Variants in COL4A6 observed in about 807,000 individuals in gnomAD.
The protein encoded by COL4A6 is collagen alpha-6(IV) chain.
A neutral mutation model predicts 126.7 loss-of-function variants in COL4A6; 59 were observed. The ratio of observed to expected loss-of-function variants is 0.47; its 90% CI spans 0.38 to 0.58. The LOEUF (loss-of-function observed/expected upper bound fraction) is 0.58, where lower values mean the gene tolerates loss of function less well. Among genes scored for constraint, COL4A6 ranks in the 20% least tolerant of loss-of-function variants. The pLI, the probability that COL4A6 is intolerant of heterozygous loss-of-function variation, is 0.00. For missense variants in COL4A6, 1,285 were observed against 1,337.3 expected (o/e 0.96, Z 0.61); for synonymous variants, 547 against 496.6 (o/e 1.10, Z -1.35).
intron 11 of COL4A6, among the ~76,000 whole-genome samples, chrX:108,204,868 C>T (rs955182473): frequency 2.7e-5 from 3 of 110,621 alleles, no homozygotes; most frequent in African/African-American, 9.9e-5. Context: ...GTGGGAATGG[C>T]AAGTTCTCAG....
At chrX:108,403,002 C>T (rs951511071) in intron 2 of COL4A6, among the ~76,000 whole-genome samples, 5 of 111,369 alleles carry the variant, frequency 4.5e-5, no homozygotes, top group Non-Finnish European at 9.5e-5. Context: ...AATTTTTTAT[C>T]TGCTTGAAGT....
intron 2 of COL4A6, among the ~76,000 whole-genome samples, chrX:108,351,052 T>C (rs1362625466): frequency 9.0e-6 from 1 of 111,509 alleles, no homozygotes; most frequent in African/African-American, 3.3e-5. Flanking sequence ...CTCCCCACAA[T>C]GAATTCCGCT....
chrX:108,191,482 T>C lies in COL4A6; in HGVS notation c.1232A>G (p.Gln411Arg), dbSNP rs199498935. Residue 411 changes from glutamine (Q) to arginine (R), a missense_variant, in exon 19 of 45, where the codon CAA becomes CGA. Physicochemically the swap from Gln to Arg is conservative, Grantham distance 43 (BLOSUM62 1). Transcript: ENST00000334504. The part of the protein sequence containing the change: ...PQGFPGLKGD[Q>R]GNPGRTTIGA... ...AATTGTGGTACGGCCTGGGTTTCCT[T>C]GGTCCCCCTTCAGCCCTGGAAATCC... 9.0e-5 allele frequency: 109 copies of C among 1,209,486 alleles called. No homozygotes were observed. Among genetic ancestry groups the C allele is most frequent in the Non-Finnish European group, 1.1e-4 (102 of 894,973 alleles).
intron 2 of COL4A6, among the ~76,000 whole-genome samples, chrX:108,350,783 G>A (rs1603140343): frequency 9.6e-6 from 1 of 104,559 alleles, no homozygotes; most frequent in South Asian, 4.2e-4. Flanking sequence ...TTTTTTTTTT[G>A]AAAGAGTGGT....
chrX:108,292,947 T>C (rs1450630744), intron 3 of COL4A6, among the ~76,000 whole-genome samples: 1 of 71,025 alleles, frequency 1.4e-5, no homozygotes, highest in Non-Finnish European at 2.4e-5. Flanking sequence ...AGATCCCGTC[T>C]CTTAGGAAAA....
At chrX:108,343,053 T>C (rs1299738973) in intron 2 of COL4A6, among the ~76,000 whole-genome samples, 1 of 104,060 alleles carries the variant, frequency 9.6e-6, no homozygotes, top group East Asian at 3.0e-4. Context: ...TGAAGTTCAG[T>C]TTTTATCAAT....
At chrX:108,245,606 T>C (rs1405319169) in intron 3 of COL4A6, among the ~76,000 whole-genome samples, 1 of 111,732 alleles carries the variant, frequency 8.9e-6, no homozygotes, top group Non-Finnish European at 1.9e-5. Flanking sequence ...CATCTGCACT[T>C]GAGCCACCTC....
chrX:108,164,823 G>A, intron 39 of COL4A6, 54 bp downstream of exon 39: 1 of 1,188,127 alleles, frequency 8.4e-7, no homozygotes, highest in East Asian at 3.0e-5. Flanking sequence ...ACTGCAGGAA[G>A]GAGTCCTGGC....
chrX:108,265,193 T>G (rs1397987584), intron 3 of COL4A6, among the ~76,000 whole-genome samples: 1 of 111,317 alleles, frequency 9.0e-6, no homozygotes, highest in Non-Finnish European at 1.9e-5. Flanking sequence ...ATTAGCCTTC[T>G]TCAAAAGATG....
intron 3 of COL4A6, among the ~76,000 whole-genome samples, chrX:108,250,530 T>C (rs2036825683): frequency 1.8e-5 from 2 of 110,561 alleles, no homozygotes; most frequent in Non-Finnish European, 3.8e-5. Context: ...ACCATTCCTT[T>C]GTGTGCATAG....
intron 2 of COL4A6, among the ~76,000 whole-genome samples, chrX:108,407,301 T>C (rs2041226658): frequency 8.9e-6 from 1 of 112,132 alleles, no homozygotes; most frequent in South Asian, 3.7e-4. Context: ...AACCTGGAAG[T>C]TCCAACTGAG....
At chrX:108,305,463 A>G (rs1443498003) in intron 3 of COL4A6, among the ~76,000 whole-genome samples, 1 of 111,857 alleles carries the variant, frequency 8.9e-6, no homozygotes, top group Non-Finnish European at 1.9e-5. Context: ...TGTGAAGTCC[A>G]TGGGGGAGCC....
intron 2 of COL4A6, among the ~76,000 whole-genome samples, chrX:108,429,191 A>C (rs902389893): frequency 8.9e-6 from 1 of 112,469 alleles, no homozygotes; most frequent in Non-Finnish European, 1.9e-5. Context: ...ATTCTAGAAA[A>C]GGCAAAACTA....
intron 43 of COL4A6, chrX:108,160,025 T>G (rs1295646786): frequency 1.4e-5 from 6 of 419,124 alleles, no homozygotes; most frequent in East Asian, 4.2e-5. Context: ...CTGAGTCTGC[T>G]TTTAAGATTT....
Position 108,226,890 on chromosome X carries a change from C to A in COL4A6, c.145-5516G>T, listed in dbSNP as rs1312816624. On this transcript the variant is annotated intron_variant, in intron 3 of 44. Transcript: ENST00000334504. ...CCATGGTCTTAGTTCAAGTCTTTCT[C>A]ATCTCTCGCCTGGAGTGTTGCCACA... 1.1e-4 allele frequency among the ~76,000 whole-genome samples: 12 copies of A among 111,660 alleles called. No homozygotes were observed. In the Admixed American group the frequency reaches 1.1e-3, roughly 11 times the overall value.
chrX:108,360,950 G>A (rs779819402), intron 2 of COL4A6, among the ~76,000 whole-genome samples: 14 of 110,846 alleles, frequency 1.3e-4, no homozygotes, highest in African/African-American at 3.9e-4. Context: ...GGAAATTAGC[G>A]TGGGGCAGAT....
At chrX:108,368,718 AG>A (rs1047905945) in intron 2 of COL4A6, among the ~76,000 whole-genome samples, 3 of 112,097 alleles carry the variant, frequency 2.7e-5, no homozygotes, top group African/African-American at 9.7e-5. Context: ...TTATTCTATA[AG>A]TTTTTTTATT....
chrX:108,438,042 G>A, intron 1 of COL4A6, 49 bp from the exon 2 acceptor site: 1 of 1,197,213 alleles, frequency 8.4e-7, no homozygotes, highest in Non-Finnish European at 1.1e-6. Context: ...CTTCGGGGTC[G>A]TGCGTCTGCC....
chrX:108,392,919 C>T (rs1176934431), intron 2 of COL4A6, among the ~76,000 whole-genome samples: 1 of 111,416 alleles, frequency 9.0e-6, no homozygotes, highest in Non-Finnish European at 1.9e-5. Context: ...TATATACCAC[C>T]CAGTTTATGG....
Sources: gnomAD v4.1 joint callset for allele counts (sites outside exome capture counted in the v4.1 genomes callset) on GRCh38, gnomAD v4.1.1 for gene constraint, MANE v1.5 for transcripts, NCBI Gene and HGNC (gene_info 2026-07-23, HGNC 2026-07-21) for gene names.